HLA-DQB2: variants seen among roughly 807,000 people sequenced by gnomAD.
HLA-DQB2 encodes major histocompatibility complex, class II, DQ beta 2, also known as HLA class II histocompatibility antigen, DQ beta 2 chain.
A neutral mutation model predicts 29.2 loss-of-function variants in HLA-DQB2; 24 were observed. The observed-to-expected ratio is 0.82, with a 90% CI of 0.60 to 1.16. The LOEUF (loss-of-function observed/expected upper bound fraction) is 1.16. HLA-DQB2 is among the 50% of genes most tolerant of loss of function. The pLI is 0.00. For missense variants in HLA-DQB2, 273 were observed against 343.6 expected, an observed-to-expected ratio of 0.79 and a Z score of 1.62; for synonymous variants, 104 against 133.1, an observed-to-expected ratio of 0.78 and a Z score of 1.51.
Position 32,756,138 on chromosome 6 carries a change from G to A in HLA-DQB2, c.*315C>T. The stretch of plus-strand genomic sequence containing the variant: ...TTTAATTATGGGAAAAAGCACTAAA[G>A]TCAGGTAAATGATTTTGTTTGTCAT... On this transcript the variant is annotated 3_prime_UTR_variant, in exon 6 of 6. Transcript: ENST00000437316. The A allele has an allele frequency of 2.4e-6, 1 of 423,200 alleles. No homozygotes were observed. Among genetic ancestry groups the A allele is most frequent in the African/African-American group, 2.0e-5 (1 of 51,014 alleles). The allele number at this position is 423,200 out of a possible 1,614,324, so 26.2% of individuals were successfully genotyped here.
intron 1 of HLA-DQB2, among the ~76,000 whole-genome samples, chr6:32,762,617 G>T (rs1485604240): frequency 6.7e-6 from 1 of 150,348 alleles, no homozygotes; most frequent in Non-Finnish European, 1.5e-5. Flanking sequence ...AGCTTGGGCA[G>T]GTTACTTAAC....
In HLA-DQB2 at chr6:32,761,840, G is replaced by A. The variant is rs1284195898; in HGVS notation, c.184C>T (p.Arg62Cys). ...VRGVARYIYNREEYGRFDSDV... is the reference protein window; with the variant it reads ...VRGVARYIYNCEEYGRFDSDV... ...CTGTCGAAGCGCCCGTACTCCTCGC[G>A]GTTATAGATGTATCTGGCCACACCG... The change falls in exon 2 of 6, where the codon CGC becomes TGC. Residue 62 changes from arginine to cysteine, a missense_variant. Physicochemically the swap from Arg to Cys is radical, Grantham distance 180. Transcript: ENST00000437316. 1 of 1,609,274 alleles carries A rather than the reference G, an allele frequency of 6.2e-7. No homozygotes were observed. Among genetic ancestry groups the A allele is most frequent in the African/African-American group, 1.3e-5 (1 of 74,864 alleles).
rs770561591 is a variant in HLA-DQB2 at position 32,759,057 on chromosome 6, T to C, written c.439A>G (p.Thr147Ala). The change falls in exon 3 of 6, where the codon ACA becomes GCA. Residue 147 changes from threonine (T) to alanine (A), a missense_variant. Physicochemically the swap from Thr to Ala is moderately conservative, Grantham distance 58. Transcript: ENST00000437316. ...TTGATCTGGGCTGGATAGAAATCTGTCACCGAGCAGACCAGCAGGTTGTGG... is the reference window on the plus strand; with the variant it reads ...TTGATCTGGGCTGGATAGAAATCTGCCACCGAGCAGACCAGCAGGTTGTGG... ...NHHNLLVCSVTDFYPAQIKVR... is the reference protein window; with the variant it reads ...NHHNLLVCSVADFYPAQIKVR... The C allele has an allele frequency of 4.3e-6, 7 of 1,614,204 alleles. No homozygotes were observed. The highest frequency in any genetic ancestry group is 1.1e-5 in the South Asian group (1 of 91,086).
chr6:32,757,716 T>C, intron 4 of HLA-DQB2, 57 bp downstream of exon 4: 1 of 1,458,204 alleles, frequency 6.9e-7, no homozygotes, highest in Non-Finnish European at 9.4e-7. Context: ...AGAACCTCTC[T>C]GAATAGAGGG....
At position 32,761,724 on chromosome 6, in the gene HLA-DQB2, G is replaced by A; in HGVS notation, c.300C>T (p.Ala100=). The A allele has an allele frequency of 1.3e-6, 2 of 1,553,934 alleles. No individual in the cohort carries two copies. The highest frequency in any genetic ancestry group is 1.7e-6 in the Non-Finnish European group (2 of 1,148,634). Residue 100 remains alanine, a synonymous_variant, in exon 2 of 6, where the codon GCC becomes GCT. Transcript: ENST00000437316. ...NYKDFLEQER[A]AVDKVCRHNY... is the part of the protein sequence containing the mutation. ...TGTGTCTGCACACCTTGTCCACCGC[G>A]GCCCGCTCCTGCTCCAAGAAGTCCT...
intron 3 of HLA-DQB2, 76 bp from the exon 4 acceptor site, chr6:32,757,959 G>C (rs928896371): frequency 6.4e-6 from 7 of 1,101,542 alleles, no homozygotes; most frequent in Non-Finnish European, 8.9e-6. Context: ...GGAGATGTCA[G>C]GGGACACTAG....
Position 32,761,819 on chromosome 6 carries a change from C to T in HLA-DQB2, c.205G>A (p.Asp69Asn), listed in dbSNP as rs1467719158. The change falls in exon 2 of 6, where the codon GAC becomes AAC. Residue 69 changes from aspartate to asparagine, a missense_variant. Asp to Asn is a conservative substitution (Grantham distance 23). Transcript: ENST00000437316. ...GCCTGGAACTCCCCAACGTCGCTGT[C>T]GAAGCGCCCGTACTCCTCGCGGTTA... The part of the protein sequence containing the change: ...IYNREEYGRF[D>N]SDVGEFQAVT... 1.2e-6 allele frequency: 2 copies of T among 1,602,892 alleles called. No homozygotes were observed. Among genetic ancestry groups the T allele is most frequent in the South Asian group, 2.2e-5 (2 of 89,146 alleles).
chr6:32,761,148 C>G (rs201939122), intron 2 of HLA-DQB2, among the ~76,000 whole-genome samples: 17,570 of 137,888 alleles, frequency 0.13, no homozygotes, highest in East Asian at 0.22. Flanking sequence ...TATCTTATTT[C>G]ACAACTGTAA....
intron 1 of HLA-DQB2, among the ~76,000 whole-genome samples, chr6:32,762,441 G>T (rs528777736): frequency 1.4e-5 from 2 of 140,594 alleles, no homozygotes; most frequent in Non-Finnish European, 3.2e-5. Flanking sequence ...ACCCATGCCT[G>T]GATTTACTCT....
At position 32,763,425 on chromosome 6, in the gene HLA-DQB2, C is replaced by T. The variant is rs774505906; in HGVS notation, c.46G>A (p.Val16Met). Residue 16 changes from valine (V) to methionine (M), a missense_variant, in exon 1 of 6, where the codon GTG (valine) becomes ATG (methionine). Val to Met is a conservative substitution (Grantham distance 21). Coordinates refer to ENST00000437316, the MANE Select transcript of HLA-DQB2 (RefSeq NM_001300790.2). ...PGGFWAAAVT[V>M]MLVMLSTPVA... ...GGGGTGCTCAGCATCACCAGCATCA[C>T]GGTCACAGCTGCTGCCCAAAAGCCT... 4.5e-6 allele frequency: 7 copies of T among 1,561,210 alleles called. No homozygotes were observed. Among genetic ancestry groups the T allele is most frequent in the South Asian group, 1.2e-5 (1 of 84,684 alleles).
intron 3 of HLA-DQB2, 45 bp from the exon 4 acceptor site, chr6:32,757,928 A>G: frequency 6.7e-7 from 1 of 1,496,352 alleles, no homozygotes; most frequent in Non-Finnish European, 9.1e-7. Flanking sequence ...CACACCCCAT[A>G]ATGTCCTTGG....
At chr6:32,757,199 T>C (rs1427562209) in intron 5 of HLA-DQB2, 82 bp downstream of exon 5, 3 of 1,544,906 alleles carry the variant, frequency 1.9e-6, no homozygotes, top group South Asian at 2.4e-5. Flanking sequence ...TTTGTATTTT[T>C]AGTAGAGATG....
At chr6:32,762,832 T>C (rs377698668) in intron 1 of HLA-DQB2, among the ~76,000 whole-genome samples, 30 of 152,270 alleles carry the variant, frequency 2.0e-4, no homozygotes, top group African/African-American at 7.2e-4. Context: ...GGTCCCTGAA[T>C]CCCACTCAAG....
At chr6:32,761,987 C>T in intron 1 of HLA-DQB2, 61 bp from the exon 2 acceptor site, 2 of 1,558,938 alleles carry the variant, frequency 1.3e-6, no homozygotes, top group African/African-American at 1.4e-5. Context: ...AGCCCCCAGC[C>T]GGACCGCACC....
At chr6:32,761,239 T>C (rs932130172) in intron 2 of HLA-DQB2, among the ~76,000 whole-genome samples, 115 of 133,934 alleles carry the variant, frequency 8.6e-4, no homozygotes, top group Middle Eastern at 3.9e-3. Flanking sequence ...GCGCGAGCTG[T>C]GCAAGTGGGC....
rs1562216479 is a variant in HLA-DQB2 at position 32,757,664 on chromosome 6, A to G, written c.757+109T>C. The G allele has an allele frequency of 4.7e-6, 4 of 852,860 alleles. No individual in the cohort carries two copies. The African/African-American group carries it at 7.3e-5, about 16-fold the overall frequency. 52.8% of individuals were successfully genotyped at this position (852,860 alleles called of 1,614,324 possible). A position where few individuals can be genotyped will look rare whatever the true frequency, so the allele number is the denominator to read the frequency against. On this transcript the variant is annotated intron_variant, in intron 4 of 5. Coordinates refer to ENST00000437316, the MANE Select transcript of HLA-DQB2 (RefSeq NM_001300790.2). ...CTCCAATCTTGTCCTGTCTCCTCGC[A>G]CTTCCTCTCAGGGTAAGGAGGAAAG...
rs751926608 is a variant in HLA-DQB2 at position 32,761,677 on chromosome 6, G to A, written c.347C>T (p.Thr116Met). Residue 116 changes from threonine to methionine, a missense_variant, in exon 2 of 6, where the codon ACG becomes ATG. Physicochemically the swap from Thr to Met is moderately conservative, Grantham distance 81. Transcript: ENST00000437316. The stretch of plus-strand genomic sequence containing the variant: ...ACGCTCACCTTGCCGCTGCAAGGTC[G>A]TGCGCAGCTCCGCCTCGTAGTTGTG... ...CRHNYEAELRTTLQRQVEPTV... is the reference protein window; with the variant it reads ...CRHNYEAELRMTLQRQVEPTV... 4.5e-6 allele frequency: 7 copies of A among 1,550,004 alleles called. No homozygotes were observed. The highest frequency in any genetic ancestry group is 5.2e-6 in the Non-Finnish European group (6 of 1,147,362).
At chr6:32,757,037 TG>T in intron 5 of HLA-DQB2, 1 of 1,380,580 alleles carries the variant, frequency 7.2e-7, no homozygotes, top group Non-Finnish European at 9.3e-7. Context: ...TTTTTTTTTT[TG>T]AGACAGACTC....
At chr6:32,760,353 G>C (rs930006210) in intron 2 of HLA-DQB2, among the ~76,000 whole-genome samples, 69 of 152,006 alleles carry the variant, frequency 4.5e-4, no homozygotes, top group African/African-American at 1.6e-3. Flanking sequence ...GTGTAGACGA[G>C]TATTGAAGAA....
Sources: gnomAD v4.1 joint callset for allele counts (sites outside exome capture counted in the v4.1 genomes callset) on GRCh38, gnomAD v4.1.1 for gene constraint, MANE v1.5 for transcripts, NCBI Gene and HGNC (gene_info 2026-07-23, HGNC 2026-07-21) for gene names.